Variants in DAAM1 observed in about 807,000 individuals in gnomAD.
DAAM1 encodes disheveled-associated activator of morphogenesis 1.
Under a neutral mutation model 130.0 loss-of-function variants are expected in DAAM1, and 52 were observed. That is an observed-to-expected ratio of 0.40 (90% CI 0.32 to 0.50). DAAM1 has a LOEUF of 0.50. Ranked by LOEUF, DAAM1 falls within the 20% of genes least tolerant of loss-of-function variation. The probability of loss-of-function intolerance (pLI) is 0.61; values close to 1 mark genes in which losing one functional copy is unlikely to be tolerated. For missense variants in DAAM1, 1,134 were observed against 1,303.8 expected, an observed-to-expected ratio of 0.87 and a Z score of 2.01; for synonymous variants, 452 against 444.5, an observed-to-expected ratio of 1.02 and a Z score of -0.21.
chr14:59,309,370 G>A (rs1884490803), intron 3 of DAAM1, among the ~76,000 whole-genome samples: 1 of 152,170 alleles, frequency 6.6e-6, no homozygotes, highest in African/African-American at 2.4e-5. Flanking sequence ...CAGGTTACTG[G>A]GCAAATTCCA....
At chr14:59,228,248 A>G (rs978671052) in intron 1 of DAAM1, among the ~76,000 whole-genome samples, 7 of 152,140 alleles carry the variant, frequency 4.6e-5, no homozygotes, top group Non-Finnish European at 8.8e-5. Flanking sequence ...GGAAAAAAAT[A>G]ATTACGGTGG....
intron 5 of DAAM1, 82 bp from the exon 6 acceptor site, chr14:59,322,810 C>T (rs1594821686): frequency 1.8e-6 from 2 of 1,141,004 alleles, no homozygotes; most frequent in Middle Eastern, 2.0e-4. Flanking sequence ...ATCTTTCTTT[C>T]CCCTGCCCTC....
chr14:59,288,607 TC>T (rs1258992226), intron 2 of DAAM1, among the ~76,000 whole-genome samples: 3 of 152,060 alleles, frequency 2.0e-5, no homozygotes, highest in African/African-American at 7.2e-5. Flanking sequence ...AAGAGACACT[TC>T]TGAAAAGAAG....
At chr14:59,251,887 C>T (rs1881658427) in intron 1 of DAAM1, among the ~76,000 whole-genome samples, 2 of 152,104 alleles carry the variant, frequency 1.3e-5, no homozygotes, top group African/African-American at 4.8e-5. Flanking sequence ...GGTGGCTTCT[C>T]CTTGCTGCAT....
At chr14:59,353,208 T>A (rs138401527) in intron 18 of DAAM1, among the ~76,000 whole-genome samples, 1 of 152,316 alleles carries the variant, frequency 6.6e-6, no homozygotes, top group African/African-American at 2.4e-5. Context: ...GGGTTTGGCA[T>A]ATGAGCTAAG....
intron 3 of DAAM1, among the ~76,000 whole-genome samples, chr14:59,310,928 T>C (rs960191381): frequency 2.6e-5 from 4 of 151,596 alleles, no homozygotes; most frequent in Admixed American, 2.0e-4. Context: ...TTTGCATAGC[T>C]TATTTTGGGC....
intron 1 of DAAM1, among the ~76,000 whole-genome samples, chr14:59,190,317 C>T (rs1887694567): frequency 6.6e-6 from 1 of 152,180 alleles, no homozygotes; most frequent in Non-Finnish European, 1.5e-5. Flanking sequence ...CTGAGGCAAA[C>T]TCTGAAAATT....
chr14:59,239,594 A>G (rs1227631817), intron 1 of DAAM1, among the ~76,000 whole-genome samples: 1 of 151,754 alleles, frequency 6.6e-6, no homozygotes, highest in Non-Finnish European at 1.5e-5. Context: ...GATTCTTGAC[A>G]TTTTCTTACG....
At chr14:59,332,019 T>G (rs1885462704) in intron 15 of DAAM1, 99 bp downstream of exon 15, 1 of 1,025,172 alleles carries the variant, frequency 9.8e-7, no homozygotes, top group Non-Finnish European at 1.5e-6. Flanking sequence ...GACCGGCATA[T>G]GAATTCTAGG....
intron 1 of DAAM1, among the ~76,000 whole-genome samples, chr14:59,208,861 T>C (rs1161405458): frequency 6.6e-6 from 1 of 152,126 alleles, no homozygotes; most frequent in Non-Finnish European, 1.5e-5. Context: ...TAAAAGAGTT[T>C]AGGACCTTCC....
chr14:59,316,217 T>C (rs902234229), intron 4 of DAAM1, among the ~76,000 whole-genome samples: 2 of 152,202 alleles, frequency 1.3e-5, no homozygotes, highest in African/African-American at 2.4e-5. Context: ...AAGTAGATGA[T>C]AGCTTCTAGA....
At chr14:59,314,152 C>T (rs1422622003) in intron 3 of DAAM1, among the ~76,000 whole-genome samples, 2 of 152,210 alleles carry the variant, frequency 1.3e-5, no homozygotes, top group Admixed American at 1.3e-4. Flanking sequence ...CTTGAAACCA[C>T]TCTCCTGAGG....
chr14:59,344,802 G>A (rs1381173965), intron 16 of DAAM1, among the ~76,000 whole-genome samples: 2 of 152,082 alleles, frequency 1.3e-5, no homozygotes, highest in African/African-American at 4.8e-5. Context: ...CTCCATATGG[G>A]GAGCTAATGA....
chr14:59,349,472 G>T (rs1479404849), intron 17 of DAAM1, among the ~76,000 whole-genome samples: 2 of 152,248 alleles, frequency 1.3e-5, no homozygotes, highest in Admixed American at 1.3e-4. Flanking sequence ...TTCTGTGTGT[G>T]TCTTGCTCTC....
At chr14:59,351,684 A>G (rs1018875448) in intron 17 of DAAM1, among the ~76,000 whole-genome samples, 3 of 152,014 alleles carry the variant, frequency 2.0e-5, no homozygotes, top group Admixed American at 2.0e-4. Context: ...TTGAAAACCT[A>G]CTAAATGGAT....
chr14:59,313,305 T>C (rs1005075375), intron 3 of DAAM1, among the ~76,000 whole-genome samples: 2 of 152,214 alleles, frequency 1.3e-5, no homozygotes, highest in Non-Finnish European at 2.9e-5. Flanking sequence ...CGTTAGTACA[T>C]TTACAAGAAA....
At position 59,363,730 on chromosome 14, in the gene DAAM1, C is replaced by T; in HGVS notation, c.2774C>T (p.Ala925Val). The change falls in exon 23 of 25, where the codon GCC becomes GTC. Residue 925 changes from alanine (A) to valine (V), a missense_variant. Transcript: ENST00000360909. Reference protein sequence around the residue: ...VSVVSQFITVASFSFSDVEDL... With the variant: ...VSVVSQFITVVSFSFSDVEDL... ...GTTGTCAGCCAGTTCATCACAGTAG[C>T]CAGCTTCAGCTTCTCTGATGTTGAA... 6 of 1,614,110 alleles carry T rather than the reference C, an allele frequency of 3.7e-6. No individual in the cohort carries two copies. The highest frequency in any genetic ancestry group is 5.1e-6 in the Non-Finnish European group (6 of 1,179,988).
intron 1 of DAAM1, among the ~76,000 whole-genome samples, chr14:59,233,793 A>G (rs1007851763): frequency 2.6e-5 from 4 of 151,726 alleles, no homozygotes; most frequent in Non-Finnish European, 5.9e-5. Flanking sequence ...TCTTTACTCC[A>G]TCTTAATTTT....
intron 3 of DAAM1, among the ~76,000 whole-genome samples, chr14:59,302,407 G>T (rs1440764536): frequency 6.6e-6 from 1 of 152,194 alleles, no homozygotes; most frequent in Admixed American, 6.5e-5. Context: ...GGAGCATGAA[G>T]GTAGTGTGTC....
Sources: gnomAD v4.1 joint callset for allele counts (sites outside exome capture counted in the v4.1 genomes callset) on GRCh38, gnomAD v4.1.1 for gene constraint, MANE v1.5 for transcripts, NCBI Gene and HGNC (gene_info 2026-07-23, HGNC 2026-07-21) for gene names.